INPP5A: variants seen among roughly 807,000 people sequenced by gnomAD.
INPP5A encodes the protein inositol polyphosphate-5-phosphatase A.
Under a neutral mutation model 65.2 loss-of-function variants are expected in INPP5A, and 14 were observed. That is an observed-to-expected ratio of 0.21 (90% CI 0.14 to 0.34). INPP5A has a LOEUF of 0.34. Ranked by LOEUF, INPP5A falls within the 10% of genes least tolerant of loss-of-function variation. The pLI, the probability that INPP5A is intolerant of heterozygous loss-of-function variation, is 1.00. For missense variants in INPP5A, 431 were observed against 545.6 expected, an observed-to-expected ratio of 0.79 and a Z score of 2.09; for synonymous variants, 207 against 208.3, an observed-to-expected ratio of 0.99 and a Z score of 0.05.
rs1391561541 is a variant in INPP5A, at chr10:132,707,659, TAAAG to T, written c.475-651_475-648del. On this transcript the variant is annotated intron_variant, in intron 6 of 15. Transcript: ENST00000368594. This position sits in a 1 kb window ranked among gnomAD's most constrained non-coding sequence, Gnocchi z 5.5. ...TCTCGAGGGGAGCCCTGCCACCTCTTAAAGAACACCCCTCTTTGGAATCTCATGC... is the reference window on the plus strand; with the variant it reads ...TCTCGAGGGGAGCCCTGCCACCTCTTAACACCCCTCTTTGGAATCTCATGC... Among the ~76,000 whole-genome samples the T allele has an allele frequency of 1.3e-5, 2 of 152,176 alleles. No individual in the cohort carries two copies. The highest frequency in any genetic ancestry group is 4.8e-5 in the African/African-American group (2 of 41,430).
At chr10:132,779,730 G>C (rs764028537) in intron 13 of INPP5A, among the ~76,000 whole-genome samples, 8 of 152,224 alleles carry the variant, frequency 5.3e-5, no homozygotes, top group Non-Finnish European at 8.8e-5. Context: ...AGGACAAGCA[G>C]ACGGGCGCCG....
chr10:132,683,072 G>T (rs141216358), intron 4 of INPP5A, among the ~76,000 whole-genome samples: 1 of 139,570 alleles, frequency 7.2e-6, no homozygotes, highest in Admixed American at 7.2e-5. Context: ...ACATATGTAC[G>T]CACATTTAAT....
At chr10:132,681,372 C>T (rs1361403351) in intron 4 of INPP5A, among the ~76,000 whole-genome samples, 1 of 152,052 alleles carries the variant, frequency 6.6e-6, no homozygotes. Flanking sequence ...TCCACACTGC[C>T]TTTATGAGCT....
Position 132,538,176 on chromosome 10 carries a change from G to A in INPP5A, c.75+5G>A. On this transcript the variant is annotated splice_donor_5th_base_variant and intron_variant, in intron 1 of 15. Transcript: ENST00000368594. The surrounding 1 kb of genome is among the most constrained non-coding windows in gnomAD (Gnocchi z 4.1). ...GTGGGCTCGCTCTTCGACGACGTAA[G>A]TCCCCCGTGCCGGCGGCAGGCCCCA... The A allele has an allele frequency of 7.8e-7, 1 of 1,276,296 alleles. No individual in the cohort carries two copies. Among genetic ancestry groups the A allele is most frequent in the Non-Finnish European group, 9.9e-7 (1 of 1,007,928 alleles). 79.1% of individuals were successfully genotyped at this position (1,276,296 alleles called of 1,614,324 possible). A position where few individuals can be genotyped will look rare whatever the true frequency, so the allele number is the denominator to read the frequency against.
intron 9 of INPP5A, among the ~76,000 whole-genome samples, chr10:132,728,186 C>T (rs72868932): frequency 1.2e-4 from 19 of 152,350 alleles, no homozygotes; most frequent in Non-Finnish European, 2.6e-4. Flanking sequence ...ATCCCTTCAT[C>T]TGGCTGTGGA....
chr10:132,712,023 G>A (rs1047806057), intron 8 of INPP5A, among the ~76,000 whole-genome samples: 2 of 152,224 alleles, frequency 1.3e-5, no homozygotes, highest in Non-Finnish European at 1.5e-5. Context: ...ATGCTCAAGA[G>A]CAGGAGTGGG....
chr10:132,556,486 C>T (rs1437338227), intron 1 of INPP5A, among the ~76,000 whole-genome samples: 2 of 152,208 alleles, frequency 1.3e-5, no homozygotes, highest in Non-Finnish European at 2.9e-5. Context: ...TTGCACACCA[C>T]AGGCACACAC....
Position 132,642,358 on chromosome 10 carries a change from C to T in INPP5A, c.118-3510C>T, listed in dbSNP as rs112652550. Among the ~76,000 whole-genome samples the T allele has an allele frequency of 8.3e-3, 1,263 of 152,326 alleles. 6 individuals carry two copies. The highest frequency in any genetic ancestry group is 0.013 in the Non-Finnish European group (868 of 68,018). On this transcript the variant is annotated intron_variant, in intron 2 of 15. Coordinates refer to ENST00000368594, the MANE Select transcript of INPP5A (RefSeq NM_005539.5). ...CCTCGGTTCTTCTCCACGCGGTTCG[C>T]CGGCCATCCTCTCGCATCAGGGCTG...
chr10:132,657,013 C>G, intron 4 of INPP5A, among the ~76,000 whole-genome samples: 1 of 152,170 alleles, frequency 6.6e-6, no homozygotes. Context: ...AGCCACAAGC[C>G]GAGGCGTTGA....
Position 132,571,661 on chromosome 10 carries a change from G to A in INPP5A, c.75+33490G>A, listed in dbSNP as rs144616373. 9.3e-4 allele frequency among the ~76,000 whole-genome samples: 142 copies of A among 152,332 alleles called. 2 individuals carry two copies. The highest frequency in any genetic ancestry group is 3.3e-3 in the African/African-American group (137 of 41,566). On this transcript the variant is annotated intron_variant, in intron 1 of 15. Coordinates refer to ENST00000368594, the MANE Select transcript of INPP5A (RefSeq NM_005539.5). ...CCTGACGTTTGTGCCGTAAGGACCC[G>A]GAGTGTCTGCAGGCAGACCTGTCAT...
intron 1 of INPP5A, among the ~76,000 whole-genome samples, chr10:132,572,872 A>G (rs2133286710): frequency 6.6e-6 from 1 of 152,316 alleles, no homozygotes; most frequent in Non-Finnish European, 1.5e-5. Context: ...CTGGAATCCC[A>G]TTGAAAGAAC....
Position 132,681,097 on chromosome 10 carries a change from T to G in INPP5A, c.307-9295T>G, listed in dbSNP as rs868457296. Among the ~76,000 whole-genome samples, 191 of 151,492 alleles carry G rather than the reference T, an allele frequency of 1.3e-3. 2 individuals carry two copies. Among genetic ancestry groups the G allele is most frequent in the African/African-American group, 4.0e-3 (167 of 41,288 alleles). On this transcript the variant is annotated intron_variant, in intron 4 of 15. Coordinates refer to ENST00000368594, the MANE Select transcript of INPP5A (RefSeq NM_005539.5). ...TGCAGCCCCAGTGCGGGATCCACCG[T>G]GTGAAGCCAGCTGGGCTCCTGAGTC...
At position 132,551,824 on chromosome 10, in the gene INPP5A, G is replaced by C. The variant is rs1024643522; in HGVS notation, c.75+13653G>C. ...ACCAAGACTGTCAGAAGAGCCAGCC[G>C]GGGTCTTCTCTGAATAGTCGGCTGC... On this transcript the variant is annotated intron_variant, in intron 1 of 15. Transcript: ENST00000368594. The surrounding 1 kb of genome is among the most constrained non-coding windows in gnomAD (Gnocchi z 5.3). 1.3e-5 allele frequency among the ~76,000 whole-genome samples: 2 copies of C among 152,190 alleles called. No homozygotes were observed. The highest frequency in any genetic ancestry group is 2.9e-5 in the Non-Finnish European group (2 of 68,040).
chr10:132,775,620 T>A (rs1448133960), intron 12 of INPP5A, among the ~76,000 whole-genome samples: 1 of 152,106 alleles, frequency 6.6e-6, no homozygotes, highest in African/African-American at 2.4e-5. Flanking sequence ...AGGACACCTC[T>A]CTCACCCAGG....
At chr10:132,699,121 C>T (rs1265453040) in intron 6 of INPP5A, among the ~76,000 whole-genome samples, 1 of 152,218 alleles carries the variant, frequency 6.6e-6, no homozygotes, top group Admixed American at 6.5e-5. Flanking sequence ...TCTCCACGCA[C>T]AGTAGTTGCG....
At chr10:132,570,137 G>T (rs1412965246) in intron 1 of INPP5A, among the ~76,000 whole-genome samples, 1 of 151,282 alleles carries the variant, frequency 6.6e-6, no homozygotes, top group Admixed American at 6.6e-5. Flanking sequence ...AGTAGAGACG[G>T]GGTTTCGCCT....
Position 132,745,222 on chromosome 10 carries a change from C to T in INPP5A, c.733-4295C>T, listed in dbSNP as rs145170276. Reference sequence around the variant, plus strand: ...GAGGACGGGGTCCTCCATCCCCTCGCGAGCTCCTGGAGGCCACGATGCTCC... The same window carrying T: ...GAGGACGGGGTCCTCCATCCCCTCGTGAGCTCCTGGAGGCCACGATGCTCC... On this transcript the variant is annotated intron_variant, in intron 9 of 15. Transcript: ENST00000368594. 3.6e-3 allele frequency among the ~76,000 whole-genome samples: 543 copies of T among 152,226 alleles called. 2 individuals are homozygous for T. Among genetic ancestry groups the T allele is most frequent in the African/African-American group, 0.013 (527 of 41,536 alleles).
chr10:132,656,438 C>T (rs1385786239), intron 4 of INPP5A, among the ~76,000 whole-genome samples: 1 of 152,208 alleles, frequency 6.6e-6, no homozygotes, highest in African/African-American at 2.4e-5. Context: ...CAGGGACACC[C>T]CTGCCCCCGC....
rs117854867 is a variant in INPP5A, at chr10:132,627,348, C to G, written c.118-18520C>G. ...GGAGGCTTCACGGGGAGACCGGGGC[C>G]GGGAGCTGCTGCTGGCTCCACACCT... On this transcript the variant is annotated intron_variant, in intron 2 of 15. Coordinates refer to ENST00000368594, the MANE Select transcript of INPP5A (RefSeq NM_005539.5). The surrounding 1 kb of genome is among the most constrained non-coding windows in gnomAD (Gnocchi z 6.6). Among the ~76,000 whole-genome samples the G allele has an allele frequency of 2.6e-5, 4 of 152,052 alleles. No individual in the cohort carries two copies. The highest frequency in any genetic ancestry group is 9.7e-5 in the African/African-American group (4 of 41,366).
Sources: allele counts gnomAD v4.1 joint callset (sites outside exome capture counted in the v4.1 genomes callset), GRCh38; gene constraint gnomAD v4.1.1; non-coding constraint Gnocchi (gnomAD v3.1); transcripts MANE v1.5; gene names NCBI Gene and HGNC (gene_info 2026-07-23, HGNC 2026-07-21).